The following CDRT4 variants were observed in gnomAD, a reference collection of about 807,000 sequenced individuals.
The protein encoded by CDRT4 is CMT1A duplicated region transcript 4 protein.
For synonymous variants in CDRT4, 64 were observed against 69.6 expected (o/e 0.92, Z 0.40); for missense variants, 167 against 193.1 (o/e 0.87, Z 0.80).
At chr17:15,439,918 C>T (rs575274186) in intron 3 of CDRT4, among the ~76,000 whole-genome samples, 1 of 152,024 alleles carries the variant, frequency 6.6e-6, no homozygotes, top group East Asian at 1.9e-4. Context: ...GGAAGGGGAA[C>T]ATCACACACT....
Position 15,438,177 on chromosome 17 carries a change from G to A in CDRT4, c.55C>T (p.Pro19Ser), listed in dbSNP as rs1978590843. The A allele has an allele frequency of 6.2e-7, 1 of 1,613,940 alleles. No homozygotes were observed. Among genetic ancestry groups the A allele is most frequent in the African/African-American group, 1.3e-5 (1 of 75,016 alleles). ...TCATGTTTTTCAAGTAGCTTCCGGG[G>A]AAGTCCAGTGTTTTCTGTGAGTCCT... ...EEGLTENTGLPRKLLEKHDPW... is the reference protein window; with the variant it reads ...EEGLTENTGLSRKLLEKHDPW... Residue 19 changes from proline to serine, a missense_variant, in exon 4 of 4, where the codon CCC becomes TCC. Physicochemically the swap from Pro to Ser is moderately conservative, Grantham distance 74. Coordinates refer to ENST00000619038, the MANE Select transcript of CDRT4 (RefSeq NM_001204477.2).
rs1008850843 is a variant in CDRT4 at position 15,450,066 on chromosome 17, T to C, written c.-48+2938A>G. On this transcript the variant is annotated intron_variant, in intron 2 of 3. Transcript: ENST00000619038. The surrounding 1 kb of genome is among the most constrained non-coding windows in gnomAD (Gnocchi z 4.2). ...ATAAAATGATTTATATTCCTTCAGG[T>C]AGATTCCCAGTAGTGGAACTGTTGT... 6.6e-6 allele frequency among the ~76,000 whole-genome samples: 1 copy of C among 152,240 alleles called. No homozygotes were observed. The highest frequency in any genetic ancestry group is 2.4e-5 in the African/African-American group (1 of 41,472).
In CDRT4 at chr17:15,437,178, G is replaced by A. The variant is rs1454653116; in HGVS notation, c.*595C>T. ...AACAAAACATCTCCCCTATTCAGAG[G>A]AGGGGGCACCATCCCCACAGGACTC... On this transcript the variant is annotated 3_prime_UTR_variant, in exon 4 of 4. Coordinates refer to ENST00000619038, the MANE Select transcript of CDRT4 (RefSeq NM_001204477.2). 1.3e-5 allele frequency: 2 copies of A among 153,862 alleles called. No individual in the cohort carries two copies. Among genetic ancestry groups the A allele is most frequent in the Non-Finnish European group, 2.9e-5 (2 of 69,206 alleles). The allele number at this position is 153,862 out of a possible 1,614,324, so 9.5% of individuals were successfully genotyped here. A position where few individuals can be genotyped will look rare whatever the true frequency, so the allele number is the denominator to read the frequency against.
Position 15,437,702 on chromosome 17 carries a change from A to G in CDRT4, c.*71T>C. On this transcript the variant is annotated 3_prime_UTR_variant, in exon 4 of 4. Coordinates refer to ENST00000619038, the MANE Select transcript of CDRT4 (RefSeq NM_001204477.2). Reference sequence around the variant, plus strand: ...TCAAGTGAGTGGTAAATGGAGCTTAACTTTTGTACGTTCTTGGGGAATGGC... The same window carrying G: ...TCAAGTGAGTGGTAAATGGAGCTTAGCTTTTGTACGTTCTTGGGGAATGGC... The G allele has an allele frequency of 6.7e-7, 1 of 1,483,796 alleles. No individual in the cohort carries two copies. Among genetic ancestry groups the G allele is most frequent in the Non-Finnish European group, 9.3e-7 (1 of 1,080,160 alleles). 91.9% of individuals were successfully genotyped at this position (1,483,796 alleles called of 1,614,324 possible).
chr17:15,439,084 T>A, intron 3 of CDRT4: 9 of 455,826 alleles, frequency 2.0e-5, no homozygotes, highest in South Asian at 1.2e-4. Flanking sequence ...GTCCTTCCCA[T>A]CTTTCATTAG....
intron 2 of CDRT4, among the ~76,000 whole-genome samples, chr17:15,448,680 C>T (rs1567610977): frequency 6.6e-6 from 1 of 152,178 alleles, no homozygotes; most frequent in Non-Finnish European, 1.5e-5. Context: ...AGTCACTTTC[C>T]TTCCCCACTA....
intron 3 of CDRT4, chr17:15,439,018 G>A (rs1039187668): frequency 1.4e-4 from 58 of 416,154 alleles, no homozygotes; most frequent in Middle Eastern, 1.4e-3. Context: ...GAAATTCAAC[G>A]CATTAGTTTA....
chr17:15,436,657 C>G lies in CDRT4; in HGVS notation c.*1116G>C, dbSNP rs1978501490. 6.6e-6 allele frequency: 1 copy of G among 152,216 alleles called. No individual in the cohort carries two copies. Among genetic ancestry groups the G allele is most frequent in the Admixed American group, 6.5e-5 (1 of 15,282 alleles). 9.4% of individuals were successfully genotyped at this position (152,216 alleles called of 1,614,324 possible). ...GCACTTGGTTCCACAAGGCAAACCC[C>G]AGAGAAGTACAGGGGAAAAGAGCTC... On this transcript the variant is annotated 3_prime_UTR_variant, in exon 4 of 4. Transcript: ENST00000619038.
At chr17:15,440,714 A>C (rs1256266154) in intron 2 of CDRT4, among the ~76,000 whole-genome samples, 2 of 152,216 alleles carry the variant, frequency 1.3e-5, no homozygotes, top group African/African-American at 4.8e-5. Flanking sequence ...CTCAGCCTGG[A>C]ATGACAGAAG....
intron 1 of CDRT4, among the ~76,000 whole-genome samples, chr17:15,455,321 A>G (rs1979439198): frequency 6.6e-6 from 1 of 152,218 alleles, no homozygotes; most frequent in African/African-American, 2.4e-5. Context: ...GTAAACATGG[A>G]AATCGTTTTC....
chr17:15,459,531 G>A (rs577931981), intron 1 of CDRT4, among the ~76,000 whole-genome samples: 35 of 138,152 alleles, frequency 2.5e-4, no homozygotes, highest in South Asian at 1.7e-3. Flanking sequence ...TGCAAGCTCC[G>A]CCTCCTGGAT....
intron 2 of CDRT4, among the ~76,000 whole-genome samples, chr17:15,451,939 C>A (rs1041297967): frequency 1.3e-5 from 2 of 152,222 alleles, no homozygotes; most frequent in Non-Finnish European, 2.9e-5. Context: ...TGTCCCCAGG[C>A]TCTTGGGTCA....
At chr17:15,467,210 T>G (rs968460780) in intron 1 of CDRT4, among the ~76,000 whole-genome samples, 2 of 152,186 alleles carry the variant, frequency 1.3e-5, no homozygotes, top group African/African-American at 4.8e-5. Flanking sequence ...ATCAGAATCC[T>G]AGGAATGGGA....
At chr17:15,461,073 C>T (rs942863129) in intron 1 of CDRT4, among the ~76,000 whole-genome samples, 4 of 152,210 alleles carry the variant, frequency 2.6e-5, no homozygotes, top group Non-Finnish European at 4.4e-5. Flanking sequence ...TCTAAACTAG[C>T]CACTCAATCC....
intron 2 of CDRT4, 132 bp from the exon 3 acceptor site, chr17:15,440,417 G>A (rs1978704983): frequency 3.8e-6 from 4 of 1,040,050 alleles, no homozygotes; most frequent in African/African-American, 1.6e-5. Flanking sequence ...CCCCTGAGAA[G>A]AGGACATGTT....
chr17:15,461,974 G>C (rs1399905818), intron 1 of CDRT4, among the ~76,000 whole-genome samples: 1 of 152,092 alleles, frequency 6.6e-6, no homozygotes, highest in Admixed American at 6.6e-5. Context: ...ACAAAGACTG[G>C]CCGAAGGTGA....
In CDRT4 at chr17:15,437,223, C is replaced by G. The variant is rs143578995; in HGVS notation, c.*550G>C. 722 of 160,084 alleles carry G rather than the reference C, an allele frequency of 4.5e-3. 4 individuals are homozygous for G. The highest frequency in any genetic ancestry group is 0.014 in the African/African-American group (603 of 41,634). 9.9% of individuals were successfully genotyped at this position (160,084 alleles called of 1,614,324 possible). A position where few individuals can be genotyped will look rare whatever the true frequency, so the allele number is the denominator to read the frequency against. On this transcript the variant is annotated 3_prime_UTR_variant, in exon 4 of 4. Coordinates refer to ENST00000619038, the MANE Select transcript of CDRT4 (RefSeq NM_001204477.2). ...GGACTCTCCTCAGAGCTCAGAGATA[C>G]CAGCTGCATTGAGTGGCATCCCCAC... is the stretch of plus-strand genomic sequence containing the variant.
chr17:15,454,946 T>C (rs1016632800), intron 1 of CDRT4, among the ~76,000 whole-genome samples: 2 of 152,146 alleles, frequency 1.3e-5, no homozygotes, highest in African/African-American at 4.8e-5. Flanking sequence ...ACCGTTAGCT[T>C]TTCTGGTAAA....
At chr17:15,463,484 A>T (rs1979851823) in intron 1 of CDRT4, among the ~76,000 whole-genome samples, 2 of 152,228 alleles carry the variant, frequency 1.3e-5, no homozygotes, top group Admixed American at 1.3e-4. Context: ...AGAAATAAAC[A>T]ATGAAAACTG....
Sources: gnomAD v4.1 joint callset for allele counts (sites outside exome capture counted in the v4.1 genomes callset) on GRCh38, gnomAD v4.1.1 for gene constraint, Gnocchi (gnomAD v3.1) non-coding constraint, MANE v1.5 for transcripts, NCBI Gene and HGNC (gene_info 2026-07-23, HGNC 2026-07-21) for gene names.